ERBB4: variants seen among roughly 807,000 people sequenced by gnomAD.
ERBB4 encodes erb-b2 receptor tyrosine kinase 4.
A neutral mutation model predicts 158.0 loss-of-function variants in ERBB4; 42 were observed. That is an observed-to-expected ratio of 0.27 (90% CI 0.21 to 0.34). ERBB4 has a LOEUF of 0.34. ERBB4 is among the 10% of genes least tolerant of loss of function. ERBB4 has a pLI of 1.00. For missense variants in ERBB4, 1,333 were observed against 1,624.1 expected (o/e 0.82, Z 3.08); for synonymous variants, 583 against 558.7 (o/e 1.04, Z -0.61).
chr2:212,286,263 AATT>A (rs2085958323), intron 1 of ERBB4, among the ~76,000 whole-genome samples: 1 of 152,160 alleles, frequency 6.6e-6, no homozygotes, highest in Non-Finnish European at 1.5e-5. Flanking sequence ...ATCAGAAGGA[AATT>A]ATTTTTTAAA....
intron 1 of ERBB4, among the ~76,000 whole-genome samples, chr2:212,410,417 CAT>C (rs749202436): frequency 1.9e-4 from 29 of 151,930 alleles, no homozygotes; most frequent in Admixed American, 4.6e-4. Context: ...ATATATGGAA[CAT>C]ATGTATGTAT....
chr2:212,042,565 A>G (rs1478050226), intron 2 of ERBB4, among the ~76,000 whole-genome samples: 2 of 152,094 alleles, frequency 1.3e-5, no homozygotes, highest in Non-Finnish European at 2.9e-5. Context: ...GCTACATATC[A>G]AAAACCTATC....
intron 8 of ERBB4, among the ~76,000 whole-genome samples, 189 bp from the exon 9 acceptor site, chr2:211,712,365 A>T (rs955043188): frequency 1.3e-5 from 2 of 152,244 alleles, no homozygotes; most frequent in South Asian, 2.1e-4. Context: ...TGCTTTAAAA[A>T]CTTGTCCCTG....
intron 19 of ERBB4, among the ~76,000 whole-genome samples, chr2:211,600,696 A>C (rs755679945): frequency 1.3e-5 from 2 of 152,194 alleles, no homozygotes; most frequent in Non-Finnish European, 2.9e-5. Flanking sequence ...AAAAGTCACT[A>C]CATTTGGGGA....
chr2:212,319,619 A>T (rs2087465169), intron 1 of ERBB4, among the ~76,000 whole-genome samples: 1 of 150,378 alleles, frequency 6.6e-6, no homozygotes, highest in African/African-American at 2.4e-5. Context: ...GTGAAACATT[A>T]TTTGTTACAG....
At chr2:211,711,853 A>C (rs2073712977) in intron 9 of ERBB4, among the ~76,000 whole-genome samples, 197 bp downstream of exon 9, 1 of 152,166 alleles carries the variant, frequency 6.6e-6, no homozygotes, top group South Asian at 2.1e-4. Flanking sequence ...TTAGTCACCA[A>C]ACTAAAGTTT....
intron 2 of ERBB4, among the ~76,000 whole-genome samples, chr2:212,051,883 T>C (rs1176507499): frequency 1.3e-5 from 2 of 152,202 alleles, no homozygotes; most frequent in African/African-American, 4.8e-5. Context: ...AGAAAAAGAA[T>C]AATCTGGCAC....
intron 4 of ERBB4, among the ~76,000 whole-genome samples, chr2:211,768,417 A>G (rs1452279649): frequency 6.6e-6 from 1 of 151,884 alleles, no homozygotes; most frequent in Non-Finnish European, 1.5e-5. Flanking sequence ...CTCAGTAGGG[A>G]CTCTGTGTGG....
intron 1 of ERBB4, among the ~76,000 whole-genome samples, chr2:212,399,755 T>C (rs780268915): frequency 4.5e-4 from 67 of 149,234 alleles, no homozygotes; most frequent in Non-Finnish European, 8.3e-4. Flanking sequence ...GGCATGTGCC[T>C]GTAGTCCCAG....
intron 20 of ERBB4, among the ~76,000 whole-genome samples, chr2:211,506,631 A>C (rs183840483): frequency 6.6e-6 from 1 of 152,242 alleles, no homozygotes; most frequent in Admixed American, 6.5e-5. Flanking sequence ...GTACATGGAA[A>C]CTAAACAACT....
intron 20 of ERBB4, among the ~76,000 whole-genome samples, chr2:211,468,673 G>A (rs773634924): frequency 5.3e-5 from 8 of 152,092 alleles, no homozygotes; most frequent in East Asian, 1.9e-4. Flanking sequence ...GAAAGCCACC[G>A]TGTTTGATGT....
intron 1 of ERBB4, among the ~76,000 whole-genome samples, chr2:212,493,921 A>T (rs1174577358): frequency 1.3e-5 from 2 of 151,892 alleles, no homozygotes; most frequent in Non-Finnish European, 2.9e-5. Flanking sequence ...GAGTATTATT[A>T]GAATATACCA....
chr2:212,314,233 T>A (rs915470374), intron 1 of ERBB4, among the ~76,000 whole-genome samples: 1 of 151,148 alleles, frequency 6.6e-6, no homozygotes, highest in Admixed American at 6.6e-5. Flanking sequence ...TGTTTTTAAG[T>A]TTGTATGAGT....
chr2:211,573,501 T>C (rs1243784185), intron 19 of ERBB4, among the ~76,000 whole-genome samples: 13 of 151,902 alleles, frequency 8.6e-5, no homozygotes, highest in Admixed American at 8.5e-4. Context: ...AAACCCTGTC[T>C]CTACTAAAAG....
At chr2:211,428,212 TAA>T (rs944852900) in intron 22 of ERBB4, among the ~76,000 whole-genome samples, 194 bp downstream of exon 22, 2 of 80,040 alleles carry the variant, frequency 2.5e-5, no homozygotes, top group African/African-American at 2.2e-4. Flanking sequence ...TCGCAGAACT[TAA>T]AATAAAATAA....
At chr2:211,547,429 T>G (rs2125695038) in intron 20 of ERBB4, among the ~76,000 whole-genome samples, 1 of 152,182 alleles carries the variant, frequency 6.6e-6, no homozygotes, top group African/African-American at 2.4e-5. Context: ...TATCTCCAGA[T>G]TACTATAAAC....
intron 20 of ERBB4, among the ~76,000 whole-genome samples, chr2:211,524,295 C>G (rs2066274551): frequency 1.3e-5 from 2 of 152,202 alleles, no homozygotes; most frequent in South Asian, 4.1e-4. Context: ...CCACCAGACT[C>G]AGGAGCCCAG....
chr2:211,391,827 T>A (rs1054489101), intron 25 of ERBB4, among the ~76,000 whole-genome samples: 1 of 152,216 alleles, frequency 6.6e-6, no homozygotes, highest in African/African-American at 2.4e-5. Flanking sequence ...ATGGACTGTA[T>A]CTTGTGATAT....
chr2:211,829,710 T>C (rs528413623), intron 3 of ERBB4, among the ~76,000 whole-genome samples: 9 of 152,300 alleles, frequency 5.9e-5, no homozygotes, highest in East Asian at 1.9e-4. Context: ...ACCTTGAGTT[T>C]CCTTAATATG....
Sources: gnomAD v4.1 joint callset for allele counts (sites outside exome capture counted in the v4.1 genomes callset) on GRCh38, gnomAD v4.1.1 for gene constraint, MANE v1.5 for transcripts, NCBI Gene and HGNC (gene_info 2026-07-23, HGNC 2026-07-21) for gene names.